GPATCH2L: variants seen among roughly 807,000 people sequenced by gnomAD.
The protein encoded by GPATCH2L is G patch domain-containing protein 2-like.
GPATCH2L carries 31 observed loss-of-function variants against 57.4 expected under a neutral mutation model. The ratio of observed to expected loss-of-function variants is 0.54; its 90% CI spans 0.41 to 0.73. GPATCH2L has a LOEUF of 0.73. Ranked by LOEUF, GPATCH2L falls within the 30% of genes least tolerant of loss-of-function variation. GPATCH2L has a pLI of 0.00. For missense variants in GPATCH2L, 481 were observed against 599.9 expected (o/e 0.80, Z 2.07); for synonymous variants, 199 against 210.7 (o/e 0.94, Z 0.48).
At chr14:76,224,970 A>C (rs1196863308) in intron 1 of GPATCH2L, among the ~76,000 whole-genome samples, 1 of 152,168 alleles carries the variant, frequency 6.6e-6, no homozygotes, top group Non-Finnish European at 1.5e-5. Flanking sequence ...ACAGAGGAAA[A>C]ATAAAGAAGG....
At chr14:76,231,682 T>C (rs903635322) in intron 2 of GPATCH2L, among the ~76,000 whole-genome samples, 2 of 150,330 alleles carry the variant, frequency 1.3e-5, no homozygotes, top group African/African-American at 4.9e-5. Context: ...CTACACATAT[T>C]AGCGTATTGT....
chr14:76,165,440 C>T (rs1594922497), intron 2 of GPATCH2L, among the ~76,000 whole-genome samples: 1 of 149,100 alleles, frequency 6.7e-6, no homozygotes, highest in South Asian at 2.1e-4. Context: ...TATAGTGAGC[C>T]GAGATCGCAC....
At chr14:76,185,202 A>AC (rs1247966813) in intron 8 of GPATCH2L, among the ~76,000 whole-genome samples, 3 of 152,014 alleles carry the variant, frequency 2.0e-5, no homozygotes, top group Non-Finnish European at 4.4e-5. Flanking sequence ...AAATCCATAA[A>AC]CCAAGTGTTT....
chr14:76,197,711 T>C (rs1331985177), intron 9 of GPATCH2L, among the ~76,000 whole-genome samples: 3 of 152,182 alleles, frequency 2.0e-5, no homozygotes, highest in African/African-American at 4.8e-5. Flanking sequence ...TGCCGCTGTA[T>C]TAATACACAT....
chr14:76,181,659 A>G (rs1269607961), intron 8 of GPATCH2L, among the ~76,000 whole-genome samples: 1 of 152,218 alleles, frequency 6.6e-6, no homozygotes, highest in Non-Finnish European at 1.5e-5. Context: ...ATTAACATAT[A>G]TTAGTCAAAC....
Position 76,181,151 on chromosome 14 carries a change from G to C in GPATCH2L, c.1193+302G>C, listed in dbSNP as rs372444221. ...CAACATTATTAATGTTCCTTGCCAT[G>C]AGCCTGCAATACCCTGCATAATCTG... On this transcript the variant is annotated intron_variant, in intron 8 of 9. Coordinates refer to ENST00000261530, the MANE Select transcript of GPATCH2L (RefSeq NM_017926.4). 7.9e-5 allele frequency among the ~76,000 whole-genome samples: 12 copies of C among 152,264 alleles called. No individual in the cohort carries two copies. In the East Asian group the frequency reaches 2.3e-3, roughly 29 times the overall value.
chr14:76,188,982 C>T, intron 8 of GPATCH2L, among the ~76,000 whole-genome samples: 1 of 151,932 alleles, frequency 6.6e-6, no homozygotes, highest in South Asian at 2.1e-4. Flanking sequence ...AGTATATGTT[C>T]TTGGCACCTT....
At chr14:76,223,511 C>T (rs1238549294) in intron 1 of GPATCH2L, among the ~76,000 whole-genome samples, 2 of 152,122 alleles carry the variant, frequency 1.3e-5, no homozygotes, top group East Asian at 3.8e-4. Flanking sequence ...ATCTTCATGA[C>T]CTTGGATGAG....
chr14:76,169,585 T>C (rs369123764), intron 3 of GPATCH2L, among the ~76,000 whole-genome samples: 8 of 152,348 alleles, frequency 5.3e-5, no homozygotes, highest in African/African-American at 1.9e-4. Context: ...TGAACCCTGA[T>C]TGAAGACTGC....
At chr14:76,225,401 A>G (rs74982568) in intron 1 of GPATCH2L, among the ~76,000 whole-genome samples, 3,373 of 152,292 alleles carry the variant, frequency 0.022, 75 homozygotes, top group South Asian at 0.077. Context: ...TCAGTTGGAT[A>G]TTCACAGGTA....
At position 76,178,042 on chromosome 14, in the gene GPATCH2L, G is replaced by A; in HGVS notation, c.1107G>A (p.Glu369=). ...DFPHISACAH[E]FNPLSPLYSL... is the part of the protein sequence containing the mutation. The stretch of plus-strand genomic sequence containing the variant: ...CTCACATTTCTGCTTGTGCACATGA[G>A]GTAAGGTTTCCTCTTTCTTGTTATT... The change falls in exon 7 of 10, where the codon GAG becomes GAA. Residue 369 remains glutamate, a splice_region_variant and synonymous_variant. Transcript: ENST00000261530. 6.3e-7 allele frequency: 1 copy of A among 1,598,500 alleles called. No individual in the cohort carries two copies. The highest frequency in any genetic ancestry group is 1.1e-5 in the South Asian group (1 of 90,756).
chr14:76,232,369 G>A lies in GPATCH2L; in HGVS notation c.*117+2416G>A, dbSNP rs146917257. ...GGCTGGAGCGCAATGGCGCCATCTC[G>A]GCTCACTGCAACCTCTGCCTCCTGG... On this transcript the variant is annotated intron_variant and NMD_transcript_variant, in intron 2 of 3. Coordinates refer to the GPATCH2L transcript ENST00000556372. Among the ~76,000 whole-genome samples the A allele has an allele frequency of 6.0e-3, 905 of 152,000 alleles. 7 individuals are homozygous for A. The highest frequency in any genetic ancestry group is 0.021 in the African/African-American group (870 of 41,434).
At chr14:76,215,797 G>C (rs1482804725), downstream of GPATCH2L, among the ~76,000 whole-genome samples, 1 of 149,824 alleles carries the variant, frequency 6.7e-6, no homozygotes, top group African/African-American at 2.4e-5. Context: ...GGATGGCATC[G>C]GGAGATATAC....
intron 5 of GPATCH2L, 127 bp downstream of exon 5, chr14:76,173,752 T>C (rs2039194787): frequency 4.4e-6 from 3 of 688,742 alleles, no homozygotes; most frequent in Non-Finnish European, 8.2e-6. Flanking sequence ...TGGAATGTGT[T>C]GGGAGTTTAC....
intron 9 of GPATCH2L, among the ~76,000 whole-genome samples, chr14:76,198,883 A>T (rs368122884): frequency 6.6e-6 from 1 of 152,218 alleles, no homozygotes; most frequent in African/African-American, 2.4e-5. Context: ...TGTAAGAATA[A>T]ATTAATAGAA....
At position 76,154,731 on chromosome 14, in the gene GPATCH2L, G is replaced by T. The variant is rs755345177; in HGVS notation, c.368G>T (p.Cys123Phe). ...ESDSFTENAP[C>F]RPLRRRRKVK... ...GACTCCTTTACTGAAAATGCACCTT[G>T]TCGACCACTCAGGCGCAGGCGGAAG... The change falls in exon 2 of 10, where the codon TGT (cysteine) becomes TTT (phenylalanine). Residue 123 changes from cysteine (C) to phenylalanine (F), a missense_variant. Physicochemically the swap from Cys to Phe is radical, Grantham distance 205. Transcript: ENST00000261530. The surrounding 1 kb of genome is among the most constrained non-coding windows in gnomAD (Gnocchi z 4.4). The T allele has an allele frequency of 6.2e-7, 1 of 1,614,200 alleles. No homozygotes were observed. The highest frequency in any genetic ancestry group is 2.2e-5 in the East Asian group (1 of 44,896).
chr14:76,193,214 G>GT (rs79361823), intron 8 of GPATCH2L, among the ~76,000 whole-genome samples: 162 of 147,346 alleles, frequency 1.1e-3, no homozygotes, highest in Middle Eastern at 0.01. Flanking sequence ...TGTATAAATG[G>GT]TTTTTTTTTT....
intron 9 of GPATCH2L, among the ~76,000 whole-genome samples, chr14:76,197,302 T>C (rs998410692): frequency 2.6e-5 from 4 of 152,214 alleles, no homozygotes; most frequent in Non-Finnish European, 5.9e-5. Flanking sequence ...CCACCCCTCT[T>C]TCATCTTTTT....
intron 2 of GPATCH2L, among the ~76,000 whole-genome samples, chr14:76,161,963 G>A (rs1224089768): frequency 1.3e-5 from 2 of 152,196 alleles, no homozygotes; most frequent in Non-Finnish European, 2.9e-5. Flanking sequence ...CTGAACCTGG[G>A]AGGCAGAGGT....
Sources: allele counts gnomAD v4.1 joint callset (sites outside exome capture counted in the v4.1 genomes callset), GRCh38; gene constraint gnomAD v4.1.1; non-coding constraint Gnocchi (gnomAD v3.1); transcripts MANE v1.5; gene names NCBI Gene and HGNC (gene_info 2026-07-23, HGNC 2026-07-21).